Variants in IGFL2 observed in about 807,000 individuals in gnomAD.
IGFL2 encodes the protein insulin growth factor-like family member 2.
IGFL2 carries 7 observed loss-of-function variants against 13.9 expected under a neutral mutation model. The ratio of observed to expected loss-of-function variants is 0.51; its 90% CI spans 0.29 to 0.95. The LOEUF (loss-of-function observed/expected upper bound fraction) is 0.95. Ranked by LOEUF, IGFL2 falls within the 40% of genes least tolerant of loss-of-function variation. IGFL2 has a pLI of 0.08. For missense variants in IGFL2, 138 were observed against 147.8 expected (o/e 0.93, Z 0.34); for synonymous variants, 55 against 55.8 (o/e 0.99, Z 0.07).
intron 1 of IGFL2, chr19:46,149,155 T>G: frequency 1.4e-6 from 1 of 697,452 alleles, no homozygotes; most frequent in Non-Finnish European, 2.6e-6. Context: ...TCTCTCCCTC[T>G]CTCTCTTCTC....
At chr19:46,166,183 G>A (rs1479756257), downstream of IGFL2, among the ~76,000 whole-genome samples, 1 of 152,286 alleles carries the variant, frequency 6.6e-6, no homozygotes, top group East Asian at 1.9e-4. Flanking sequence ...GACCTGCCCC[G>A]ATAATCACAT....
chr19:46,177,218 A>G, the IGFL2 span, among the ~76,000 whole-genome samples: 4 of 152,006 alleles, frequency 2.6e-5, no homozygotes, highest in Admixed American at 1.3e-4. Context: ...AACATGGTGA[A>G]ACCCTGTCTC....
At position 46,160,435 on chromosome 19, in the gene IGFL2, T is replaced by C. The variant is rs1974092751; in HGVS notation, c.40T>C (p.Cys14Arg). 1 of 1,613,754 alleles carries C rather than the reference T, an allele frequency of 6.2e-7. No individual in the cohort carries two copies. The highest frequency in any genetic ancestry group is 8.5e-7 in the Non-Finnish European group (1 of 1,179,748). The change falls in exon 2 of 4, where the codon TGT (cysteine) becomes CGT (arginine). Residue 14 changes from cysteine (C) to arginine (R), a missense_variant. Coordinates refer to ENST00000377693, the MANE Select transcript of IGFL2 (RefSeq NM_001135113.2). Reference sequence around the variant, plus strand: ...CCCAGCTCCTGCTTATGTGTCAGTCTGTCTCCTCCTCTTGTGTCCAAGGGA... The same window carrying C: ...CCCAGCTCCTGCTTATGTGTCAGTCCGTCTCCTCCTCTTGTGTCCAAGGGA... ...RIFAPAYVSV[C>R]LLLLCPREVI... is the part of the protein sequence containing the mutation.
the IGFL2 span, among the ~76,000 whole-genome samples, chr19:46,084,301 G>C: frequency 6.6e-6 from 1 of 152,152 alleles, no homozygotes; most frequent in Non-Finnish European, 1.5e-5. Context: ...AATCTATTAA[G>C]TTCATTTGGT....
intron 1 of IGFL2, among the ~76,000 whole-genome samples, chr19:46,151,722 G>GC (rs1973503930): frequency 1.3e-5 from 2 of 152,264 alleles, no homozygotes; most frequent in East Asian, 1.9e-4. Context: ...ACCAGCCTGG[G>GC]CCATATGGTG....
the IGFL2 span, among the ~76,000 whole-genome samples, chr19:46,104,928 A>G: frequency 2.0e-5 from 3 of 152,048 alleles, no homozygotes; most frequent in African/African-American, 7.3e-5. Context: ...GTGAGAGGAG[A>G]TTGATAGGTG....
the IGFL2 span, among the ~76,000 whole-genome samples, chr19:46,171,894 T>C: frequency 6.6e-6 from 1 of 152,264 alleles, no homozygotes; most frequent in East Asian, 1.9e-4. Flanking sequence ...GCCGTACAGG[T>C]AAAATTGGTG....
rs1248562747 is a variant in IGFL2 at position 46,152,640 on chromosome 19, T to C, written c.19+4343T>C. 2.6e-5 allele frequency among the ~76,000 whole-genome samples: 4 copies of C among 152,214 alleles called. No homozygotes were observed. In the East Asian group the frequency reaches 7.7e-4, roughly 29 times the overall value. On this transcript the variant is annotated intron_variant, in intron 1 of 3. Transcript: ENST00000377693. ...TTTGCAAATAGAAATCATTTTACTT[T>C]ATCTTTCTCAGTCTAAATTCATTTT...
At chr19:46,207,732 T>C in the IGFL2 span, 1 of 152,182 alleles carries the variant, frequency 6.6e-6, no homozygotes, top group Non-Finnish European at 1.5e-5. Flanking sequence ...TGAAAGAGTC[T>C]CATCTGGAAG....
chr19:46,140,528 T>C (rs558466512), upstream of IGFL2, among the ~76,000 whole-genome samples: 292 of 152,292 alleles, frequency 1.9e-3, 2 homozygotes, highest in African/African-American at 6.0e-3. Flanking sequence ...AAATGTTCTC[T>C]GGGACTCCCA....
chr19:46,179,301 C>T, the IGFL2 span, among the ~76,000 whole-genome samples: 1 of 117,140 alleles, frequency 8.5e-6, no homozygotes, highest in Non-Finnish European at 1.7e-5. Context: ...CTGTGAGAGG[C>T]AGGGCTGCAG....
the IGFL2 span, chr19:46,209,959 T>G: frequency 2.0e-5 from 3 of 151,732 alleles, no homozygotes; most frequent in African/African-American, 7.3e-5. Flanking sequence ...ACATGAAAAC[T>G]TAAGTAAACG....
chr19:46,129,491 G>A, the IGFL2 span, among the ~76,000 whole-genome samples: 19 of 152,092 alleles, frequency 1.2e-4, no homozygotes, highest in East Asian at 2.3e-3. Context: ...TCTGAAGTGG[G>A]CAATTAGTAC....
intron 1 of IGFL2, among the ~76,000 whole-genome samples, chr19:46,155,711 C>G (rs1028564362): frequency 6.6e-6 from 1 of 151,988 alleles, no homozygotes; most frequent in Non-Finnish European, 1.5e-5. Flanking sequence ...AAGATACATT[C>G]CCCCCCAATA....
chr19:46,203,634 A>G, the IGFL2 span: 1 of 152,328 alleles, frequency 6.6e-6, no homozygotes, highest in African/African-American at 2.4e-5. Context: ...GGCAGATATC[A>G]GAGGATGGGC....
At chr19:46,137,742 T>C in the IGFL2 span, among the ~76,000 whole-genome samples, 3 of 152,226 alleles carry the variant, frequency 2.0e-5, no homozygotes, top group Non-Finnish European at 4.4e-5. Context: ...TAAATTTTTG[T>C]CTGACTGAGT....
At chr19:46,102,924 A>C in the IGFL2 span, among the ~76,000 whole-genome samples, 1 of 152,158 alleles carries the variant, frequency 6.6e-6, no homozygotes, top group Admixed American at 6.5e-5. Flanking sequence ...AGATTAAAGA[A>C]AGATTTTGGG....
the IGFL2 span, among the ~76,000 whole-genome samples, chr19:46,166,593 CT>C: frequency 2.0e-5 from 3 of 152,300 alleles, no homozygotes; most frequent in South Asian, 6.2e-4. Context: ...CGGGAATTTC[CT>C]CTTCCTAATA....
upstream of IGFL2, among the ~76,000 whole-genome samples, chr19:46,142,206 A>C (rs1440180525): frequency 6.6e-6 from 1 of 152,222 alleles, no homozygotes; most frequent in African/African-American, 2.4e-5. Context: ...CTGGGACCCC[A>C]CACACACCCC....
Sources: allele counts gnomAD v4.1 joint callset (sites outside exome capture counted in the v4.1 genomes callset), GRCh38; gene constraint gnomAD v4.1.1; transcripts MANE v1.5; gene names NCBI Gene and HGNC (gene_info 2026-07-23, HGNC 2026-07-21).